The following TNNI3K variants were observed in gnomAD, a reference collection of about 807,000 sequenced individuals.
TNNI3K encodes serine/threonine-protein kinase TNNI3K.
Under a neutral mutation model 114.5 loss-of-function variants are expected in TNNI3K, and 140 were observed. The observed-to-expected ratio is 1.22, with a 90% CI of 1.07 to 1.41. TNNI3K has a LOEUF of 1.41. TNNI3K is among the 40% of genes most tolerant of loss of function. The pLI, the probability that TNNI3K is intolerant of heterozygous loss-of-function variation, is 0.00. For synonymous variants in TNNI3K, 347 were observed against 347.5 expected (o/e 1.00, Z 0.02); for missense variants, 1,125 against 1,007.6 (o/e 1.12, Z -1.58).
chr1:74,316,726 G>C (rs1204917431), intron 5 of TNNI3K, among the ~76,000 whole-genome samples: 1 of 150,546 alleles, frequency 6.6e-6, no homozygotes, highest in Non-Finnish European at 1.5e-5. Context: ...GTCTCTCTCT[G>C]TCGCCCAGGC....
intron 9 of TNNI3K, among the ~76,000 whole-genome samples, chr1:74,352,704 G>A (rs1661428459): frequency 6.6e-6 from 1 of 152,168 alleles, no homozygotes; most frequent in Non-Finnish European, 1.5e-5. Context: ...CCACCTTGTA[G>A]TTTGATCTCA....
chr1:74,504,611 G>C (rs964595113), intron 23 of TNNI3K, among the ~76,000 whole-genome samples: 1 of 152,050 alleles, frequency 6.6e-6, no homozygotes, highest in Admixed American at 6.5e-5. Context: ...TATGAGAAGA[G>C]CCCTACGTGT....
chr1:74,353,878 C>T, intron 10 of TNNI3K, 102 bp from the exon 11 acceptor site: 1 of 1,427,004 alleles, frequency 7.0e-7, no homozygotes, highest in Non-Finnish European at 9.3e-7. Context: ...TACTTCATAC[C>T]TTTGGAAATA....
chr1:74,401,097 T>C (rs1664336859), intron 17 of TNNI3K, among the ~76,000 whole-genome samples: 1 of 152,194 alleles, frequency 6.6e-6, no homozygotes, highest in African/African-American at 2.4e-5. Flanking sequence ...TTTTAGGTAG[T>C]TGTTCTGTAC....
intron 5 of TNNI3K, among the ~76,000 whole-genome samples, chr1:74,297,628 G>T (rs1341055446): frequency 6.6e-6 from 1 of 151,894 alleles, no homozygotes; most frequent in Non-Finnish European, 1.5e-5. Flanking sequence ...TGACTACTGT[G>T]AATAATGTGC....
At chr1:74,391,388 A>G (rs1044551605) in intron 17 of TNNI3K, among the ~76,000 whole-genome samples, 2 of 152,150 alleles carry the variant, frequency 1.3e-5, no homozygotes, top group African/African-American at 4.8e-5. Context: ...ATGGAGAGAA[A>G]GCAATGGATT....
chr1:74,348,245 T>A (rs1661130163), intron 9 of TNNI3K, among the ~76,000 whole-genome samples: 1 of 152,230 alleles, frequency 6.6e-6, no homozygotes, highest in Non-Finnish European at 1.5e-5. Context: ...CACCATTTAT[T>A]AAATAGGGAA....
At chr1:74,299,696 T>G (rs1658200200) in intron 5 of TNNI3K, among the ~76,000 whole-genome samples, 1 of 152,098 alleles carries the variant, frequency 6.6e-6, no homozygotes, top group Admixed American at 6.5e-5. Context: ...ACAGCATAAA[T>G]AAATTCACAG....
chr1:74,538,695 T>C (rs928962889), intron 23 of TNNI3K, among the ~76,000 whole-genome samples: 2 of 152,168 alleles, frequency 1.3e-5, no homozygotes, highest in Non-Finnish European at 2.9e-5. Context: ...GAGGCCTAAA[T>C]TGCAGAGGAG....
At chr1:74,271,814 AT>A in intron 5 of TNNI3K, 106 bp downstream of exon 5, 3 of 959,910 alleles carry the variant, frequency 3.1e-6, no homozygotes, top group Non-Finnish European at 4.6e-6. Context: ...AAGTTGGTTT[AT>A]TTTTTAGCTA....
intron 2 of TNNI3K, among the ~76,000 whole-genome samples, chr1:74,241,182 T>G (rs889090112): frequency 1.4e-4 from 21 of 152,208 alleles, no homozygotes; most frequent in African/African-American, 4.3e-4. Context: ...TTGTTGGACA[T>G]TTGGGTTGGT....
chr1:74,520,614 C>A (rs555269899), intron 23 of TNNI3K, among the ~76,000 whole-genome samples: 4 of 147,066 alleles, frequency 2.7e-5, no homozygotes, highest in South Asian at 4.3e-4. Flanking sequence ...CTCACAACTT[C>A]AAAAAAAAAA....
intron 17 of TNNI3K, among the ~76,000 whole-genome samples, chr1:74,410,869 A>G (rs1017572378): frequency 6.6e-6 from 1 of 152,240 alleles, no homozygotes; most frequent in Non-Finnish European, 1.5e-5. Flanking sequence ...GATCTCACCA[A>G]GAGTTTCAAA....
At chr1:74,485,529 C>T (rs540226014) in intron 21 of TNNI3K, among the ~76,000 whole-genome samples, 1 of 152,126 alleles carries the variant, frequency 6.6e-6, no homozygotes, top group African/African-American at 2.4e-5. Context: ...TTCCTGTCCC[C>T]TGGTGTACAT....
At chr1:74,538,921 A>G (rs1646693143) in intron 23 of TNNI3K, among the ~76,000 whole-genome samples, 1 of 152,134 alleles carries the variant, frequency 6.6e-6, no homozygotes, top group Admixed American at 6.6e-5. Context: ...AAGGACCAGA[A>G]CCTTATAGGT....
intron 17 of TNNI3K, among the ~76,000 whole-genome samples, chr1:74,408,191 C>A (rs1301887737): frequency 1.3e-5 from 2 of 152,138 alleles, no homozygotes; most frequent in African/African-American, 4.8e-5. Context: ...CGACAAAATA[C>A]AGTGCATGGG....
chr1:74,427,094 A>G (rs184990465), intron 17 of TNNI3K, among the ~76,000 whole-genome samples: 30 of 152,146 alleles, frequency 2.0e-4, no homozygotes, highest in Non-Finnish European at 3.4e-4. Flanking sequence ...TCTGCTATGT[A>G]GATTTTCATA....
chr1:74,309,565 T>C (rs957023621), intron 5 of TNNI3K, among the ~76,000 whole-genome samples: 1 of 151,744 alleles, frequency 6.6e-6, no homozygotes. Context: ...TTCAACAATA[T>C]ACTAGAAAAC....
chr1:74,353,052 G>T (rs1661455174), intron 9 of TNNI3K, among the ~76,000 whole-genome samples: 1 of 152,136 alleles, frequency 6.6e-6, no homozygotes, highest in Admixed American at 6.5e-5. Flanking sequence ...TGCTCATGCT[G>T]GGAGCTGTAG....
Sources: gnomAD v4.1 joint callset for allele counts (sites outside exome capture counted in the v4.1 genomes callset) on GRCh38, gnomAD v4.1.1 for gene constraint, MANE v1.5 for transcripts, NCBI Gene and HGNC (gene_info 2026-07-23, HGNC 2026-07-21) for gene names.